Variants in NYAP2 observed in about 807,000 individuals in gnomAD.
The protein encoded by NYAP2 is neuronal tyrosine-phosphorylated phosphoinositide-3-kinase adaptor 2, also known as neuronal tyrosine-phosphorylated phosphoinositide-3-kinase adapter 2.
In NYAP2, 23 loss-of-function variants were observed where a neutral mutation model predicts 50.4. The observed-to-expected ratio is 0.46, with a 90% confidence interval of 0.33 to 0.65. The LOEUF (loss-of-function observed/expected upper bound fraction) is 0.65. Among genes scored for constraint, NYAP2 ranks in the 30% least tolerant of loss-of-function variants. The pLI is 0.02. For missense variants in NYAP2, 885 were observed against 861.0 expected, an observed-to-expected ratio of 1.03 and a Z score of -0.35; for synonymous variants, 394 against 365.2, an observed-to-expected ratio of 1.08 and a Z score of -0.90.
At chr2:225,441,024 A>G (rs985471295) in intron 3 of NYAP2, among the ~76,000 whole-genome samples, 5 of 152,182 alleles carry the variant, frequency 3.3e-5, no homozygotes, top group African/African-American at 1.2e-4. Flanking sequence ...GATCTACATT[A>G]CCATCTAACC....
intron 4 of NYAP2, among the ~76,000 whole-genome samples, chr2:225,541,623 G>A (rs1691475335): frequency 6.6e-6 from 1 of 152,042 alleles, no homozygotes; most frequent in African/African-American, 2.4e-5. Context: ...TTGTTTCTAG[G>A]TTCTCTGTTC....
chr2:225,697,250 G>C, the NYAP2 span, among the ~76,000 whole-genome samples: 1 of 151,908 alleles, frequency 6.6e-6, no homozygotes, highest in Non-Finnish European at 1.5e-5. Flanking sequence ...ATATGTGTAT[G>C]TATGTATCAA....
chr2:225,482,512 A>G (rs1019031819), intron 3 of NYAP2, among the ~76,000 whole-genome samples: 4 of 152,210 alleles, frequency 2.6e-5, no homozygotes, highest in African/African-American at 7.2e-5. Flanking sequence ...CTAAAAGGAA[A>G]GTACTGCTAC....
chr2:225,478,183 T>C lies in NYAP2; in HGVS notation c.222-35188T>C, dbSNP rs553604183. Among the ~76,000 whole-genome samples the C allele has an allele frequency of 2.0e-5, 3 of 152,274 alleles. No homozygotes were observed. The South Asian group carries it at 6.2e-4, about 32-fold the overall frequency. On this transcript the variant is annotated intron_variant, in intron 3 of 6. Transcript: ENST00000636099. ...TATAGAGATGCTGTTTGTCACAAGC[T>C]AGGGGTAAGTGGTAAGCACCTATGT...
At chr2:225,632,665 C>T (rs1423454459) in intron 6 of NYAP2, among the ~76,000 whole-genome samples, 2 of 152,118 alleles carry the variant, frequency 1.3e-5, no homozygotes, top group Non-Finnish European at 2.9e-5. Context: ...AGAACTGGGA[C>T]CCAAATGCTC....
chr2:225,660,596 C>T, the NYAP2 span, among the ~76,000 whole-genome samples: 16 of 152,044 alleles, frequency 1.1e-4, no homozygotes, highest in South Asian at 3.3e-3. Context: ...ATGGGGCGGG[C>T]CAACTCAGCC....
intron 2 of NYAP2, among the ~76,000 whole-genome samples, chr2:225,404,981 G>C (rs1694916268): frequency 6.6e-6 from 1 of 152,020 alleles, no homozygotes; most frequent in South Asian, 2.1e-4. Flanking sequence ...TTCAAGGAAT[G>C]CACACACAGT....
At chr2:225,466,794 C>T (rs886678357) in intron 3 of NYAP2, among the ~76,000 whole-genome samples, 2 of 152,158 alleles carry the variant, frequency 1.3e-5, no homozygotes, top group African/African-American at 4.8e-5. Flanking sequence ...GGTATTGTTA[C>T]GGCTGCAAAT....
intron 3 of NYAP2, among the ~76,000 whole-genome samples, chr2:225,443,391 T>C (rs1257198682): frequency 6.6e-6 from 1 of 152,130 alleles, no homozygotes; most frequent in Non-Finnish European, 1.5e-5. Context: ...TCCTGAAGCA[T>C]GGACAGGAAA....
At position 225,449,769 on chromosome 2, in the gene NYAP2, C is replaced by T. The variant is rs569021840; in HGVS notation, c.221+40668C>T. Among the ~76,000 whole-genome samples the T allele has an allele frequency of 1.3e-3, 193 of 151,852 alleles. 1 individual carries two copies. Among genetic ancestry groups the T allele is most frequent in the African/African-American group, 4.2e-3 (174 of 41,416 alleles). ...GATTATAGGTGCCTGCCACCACACC[C>T]GGCTAACTTTGCTTTTTTTGTACTT... On this transcript the variant is annotated intron_variant, in intron 3 of 6. Coordinates refer to ENST00000636099, the Ensembl canonical transcript of NYAP2.
At chr2:225,592,741 C>G (rs984904692) in intron 5 of NYAP2, among the ~76,000 whole-genome samples, 19 of 152,226 alleles carry the variant, frequency 1.2e-4, no homozygotes, top group African/African-American at 3.9e-4. Flanking sequence ...TAATTGCTCA[C>G]CTTTCTGGGG....
chr2:225,521,666 T>C (rs2106191453), intron 4 of NYAP2, among the ~76,000 whole-genome samples: 1 of 151,668 alleles, frequency 6.6e-6, no homozygotes, highest in East Asian at 1.9e-4. Flanking sequence ...TGCTGCTGGA[T>C]TCGGTTTGCC....
At chr2:225,632,725 T>C (rs1221159113) in intron 6 of NYAP2, among the ~76,000 whole-genome samples, 7 of 152,130 alleles carry the variant, frequency 4.6e-5, no homozygotes, top group Non-Finnish European at 8.8e-5. Context: ...AATATGGTAT[T>C]GACAAAAACT....
intron 5 of NYAP2, among the ~76,000 whole-genome samples, chr2:225,625,839 A>T (rs766449533): frequency 4.6e-5 from 7 of 152,186 alleles, no homozygotes; most frequent in Non-Finnish European, 1.0e-4. Flanking sequence ...CATTTTCAAT[A>T]GATCATTTTG....
At chr2:225,697,210 A>G in the NYAP2 span, among the ~76,000 whole-genome samples, 1 of 151,958 alleles carries the variant, frequency 6.6e-6, no homozygotes, top group Non-Finnish European at 1.5e-5. Flanking sequence ...TATACCTGGA[A>G]GCAGTGGTTA....
intron 3 of NYAP2, among the ~76,000 whole-genome samples, chr2:225,418,417 G>T (rs1695159844): frequency 6.6e-6 from 1 of 152,110 alleles, no homozygotes; most frequent in East Asian, 1.9e-4. Context: ...GACCAGTCAG[G>T]AGGCTGTAAA....
At chr2:225,692,163 A>G in the NYAP2 span, among the ~76,000 whole-genome samples, 1 of 152,126 alleles carries the variant, frequency 6.6e-6, no homozygotes, top group Non-Finnish European at 1.5e-5. Context: ...CATGCTAACT[A>G]ATGAGGCACA....
chr2:225,648,423 T>A (rs1693673321), intron 6 of NYAP2, among the ~76,000 whole-genome samples: 2 of 152,108 alleles, frequency 1.3e-5, no homozygotes, highest in South Asian at 4.1e-4. Context: ...TATGGAATAA[T>A]TGAACATTTT....
At chr2:225,681,730 C>T in the NYAP2 span, among the ~76,000 whole-genome samples, 1 of 152,202 alleles carries the variant, frequency 6.6e-6, no homozygotes, top group Non-Finnish European at 1.5e-5. Context: ...GAGCCACATT[C>T]TACAAGACTT....
Sources: gnomAD v4.1 joint callset for allele counts (sites outside exome capture counted in the v4.1 genomes callset) on GRCh38, gnomAD v4.1.1 for gene constraint, MANE v1.5 for transcripts, NCBI Gene and HGNC (gene_info 2026-07-23, HGNC 2026-07-21) for gene names.